ARMC1: variants seen among roughly 807,000 people sequenced by gnomAD.
ARMC1 encodes the protein armadillo repeat-containing protein 1.
A neutral mutation model predicts 31.4 loss-of-function variants in ARMC1; 16 were observed. The ratio of observed to expected loss-of-function variants is 0.51; its 90% CI spans 0.34 to 0.77. ARMC1 has a LOEUF of 0.77. Ranked by LOEUF, ARMC1 falls within the 30% of genes least tolerant of loss-of-function variation. The pLI, the probability that ARMC1 is intolerant of heterozygous loss-of-function variation, is 0.01. For synonymous variants in ARMC1, 114 were observed against 118.9 expected, an observed-to-expected ratio of 0.96 and a Z score of 0.27; for missense variants, 259 against 347.5, an observed-to-expected ratio of 0.75 and a Z score of 2.02.
At chr8:65,615,503 G>A (rs1808230803) in intron 3 of ARMC1, among the ~76,000 whole-genome samples, 1 of 151,538 alleles carries the variant, frequency 6.6e-6, no homozygotes, top group African/African-American at 2.4e-5. Context: ...TTAGGAGTTC[G>A]AGCCCAGCCT....
intron 2 of ARMC1, among the ~76,000 whole-genome samples, chr8:65,623,823 GT>G (rs1304888528): frequency 1.8e-5 from 1 of 56,476 alleles, no homozygotes; most frequent in Non-Finnish European, 3.4e-5. Flanking sequence ...GTGTGATGGA[GT>G]TTTTGTTCTT....
At position 65,627,405 on chromosome 8, in the gene ARMC1, T is replaced by C. The variant is rs561456938; in HGVS notation, c.-7A>G. The C allele has an allele frequency of 1.3e-6, 2 of 1,554,724 alleles. No individual in the cohort carries two copies. Among genetic ancestry groups the C allele is most frequent in the Admixed American group, 2.0e-5 (1 of 48,890 alleles). On this transcript the variant is annotated 5_prime_UTR_variant, in exon 2 of 7. Transcript: ENST00000276569. ...TGGAAGTGGAAGAATTCATCTTCTA[T>C]GCCATGCACATGAATAAAATCTTAA...
chr8:65,610,482 G>C (rs1276721467), intron 4 of ARMC1, among the ~76,000 whole-genome samples: 1 of 152,014 alleles, frequency 6.6e-6, no homozygotes, highest in Admixed American at 6.6e-5. Context: ...ATTACCTGAG[G>C]TAAGGAGTTC....
chr8:65,616,110 C>T (rs1808245841), intron 3 of ARMC1, among the ~76,000 whole-genome samples: 1 of 151,876 alleles, frequency 6.6e-6, no homozygotes, highest in Non-Finnish European at 1.5e-5. Flanking sequence ...AATTATCTTT[C>T]TGTTTTGCAT....
Position 65,613,229 on chromosome 8 carries a change from T to C in ARMC1, c.465+15A>G. On this transcript the variant is annotated intron_variant, in intron 4 of 6. Coordinates refer to ENST00000276569, the MANE Select transcript of ARMC1 (RefSeq NM_018120.6). ...CAGTAAACATGATTTCTCTTTCCCA[T>C]CTAACAGACCTTACCGTATCATCAA... The C allele has an allele frequency of 1.3e-6, 2 of 1,557,746 alleles. No homozygotes were observed. Among genetic ancestry groups the C allele is most frequent in the Non-Finnish European group, 1.7e-6 (2 of 1,155,216 alleles).
chr8:65,622,164 A>C, intron 3 of ARMC1, 99 bp downstream of exon 3: 1 of 867,902 alleles, frequency 1.2e-6, no homozygotes, highest in South Asian at 1.6e-5. Context: ...CCAAGGTGGA[A>C]GGATCGCTTG....
chr8:65,626,597 T>C (rs1299351057), intron 2 of ARMC1, among the ~76,000 whole-genome samples: 2 of 152,144 alleles, frequency 1.3e-5, no homozygotes, highest in East Asian at 1.9e-4. Flanking sequence ...AAAGCTGTTA[T>C]AAAATAAAAA....
rs182246393 is a variant in ARMC1, at chr8:65,631,099, G to A, written c.-36+2899C>T. ...AAGGCAAGAAAAGCTGACAGAAGCT[G>A]TGATTTGTCCCTCAAATTAGAAGGG... On this transcript the variant is annotated intron_variant, in intron 1 of 6. Coordinates refer to ENST00000276569, the MANE Select transcript of ARMC1 (RefSeq NM_018120.6). Among the ~76,000 whole-genome samples, 633 of 152,322 alleles carry A rather than the reference G, an allele frequency of 4.2e-3. 4 individuals are homozygous for A. Among genetic ancestry groups the A allele is most frequent in the African/African-American group, 0.015 (608 of 41,572 alleles).
intron 3 of ARMC1, among the ~76,000 whole-genome samples, chr8:65,615,837 G>A (rs181547366): frequency 6.6e-6 from 1 of 152,294 alleles, no homozygotes; most frequent in Non-Finnish European, 1.5e-5. Context: ...GGAGGTTGCA[G>A]TGGGCCGAGA....
chr8:65,615,759 G>A (rs1304753923), intron 3 of ARMC1, among the ~76,000 whole-genome samples: 1 of 152,044 alleles, frequency 6.6e-6, no homozygotes, highest in Non-Finnish European at 1.5e-5. Flanking sequence ...GCCAGGTGTG[G>A]TGGTGGGTGC....
At position 65,623,324 on chromosome 8, in the gene ARMC1, A is replaced by AAAAAAAAAAAAAAC. The variant is rs1554541796; in HGVS notation, c.184-971_184-970insGTTTTTTTTTTTTT. ...CTCCGTCTCAAAAAAAAAAAAAAAA[A>AAAAAAAAAAAAAAC]TGCTGGGCGCTGAGTGGCTCACGGC... On this transcript the variant is annotated intron_variant, in intron 2 of 6. Coordinates refer to ENST00000276569, the MANE Select transcript of ARMC1 (RefSeq NM_018120.6). Among the ~76,000 whole-genome samples the AAAAAAAAAAAAAAC allele has an allele frequency of 2.1e-4, 30 of 144,540 alleles. 1 individual carries two copies. The highest frequency in any genetic ancestry group is 4.0e-4 in the East Asian group (2 of 4,970). The allele number at this position is 144,540 out of a possible 152,430, so 94.8% of individuals were successfully genotyped here. A position where few individuals can be genotyped will look rare whatever the true frequency, so the allele number is the denominator to read the frequency against.
At chr8:65,627,111 A>C in intron 2 of ARMC1, 105 bp downstream of exon 2, 1 of 1,057,860 alleles carries the variant, frequency 9.5e-7, no homozygotes, top group Non-Finnish European at 1.4e-6. Context: ...CAAACAACTA[A>C]TTGCTCTCTT....
intron 3 of ARMC1, among the ~76,000 whole-genome samples, chr8:65,621,156 G>A (rs1441887714): frequency 6.6e-6 from 1 of 152,036 alleles, no homozygotes; most frequent in African/African-American, 2.4e-5. Context: ...ATTACTCCAA[G>A]GATAGTATAG....
chr8:65,618,249 G>A (rs369607353), intron 3 of ARMC1, among the ~76,000 whole-genome samples: 18 of 151,972 alleles, frequency 1.2e-4, no homozygotes, highest in East Asian at 1.2e-3. Context: ...AAGGCCAGGC[G>A]CAGTGGCTCA....
chr8:65,624,261 A>G (rs1808464456), intron 2 of ARMC1, among the ~76,000 whole-genome samples: 1 of 151,424 alleles, frequency 6.6e-6, no homozygotes, highest in African/African-American at 2.4e-5. Flanking sequence ...TACCTTGGGA[A>G]GCTGAGGGGG....
intron 6 of ARMC1, among the ~76,000 whole-genome samples, chr8:65,604,813 A>G (rs1381549138): frequency 6.6e-6 from 1 of 152,184 alleles, no homozygotes; most frequent in Non-Finnish European, 1.5e-5. Context: ...TAATGACTAA[A>G]GCAAGTGTCT....
intron 3 of ARMC1, among the ~76,000 whole-genome samples, chr8:65,619,855 G>A (rs1304013838): frequency 2.0e-5 from 3 of 151,674 alleles, no homozygotes; most frequent in South Asian, 2.1e-4. Context: ...ATGGTGGTGC[G>A]TGCCTGTAAT....
intron 2 of ARMC1, 141 bp from the exon 3 acceptor site, chr8:65,622,495 A>T (rs563495618): frequency 1.6e-6 from 1 of 630,500 alleles, no homozygotes; most frequent in African/African-American, 1.8e-5. Flanking sequence ...GAGATGATTC[A>T]GAATTATTCC....
intron 2 of ARMC1, among the ~76,000 whole-genome samples, chr8:65,626,224 C>A (rs979826414): frequency 6.6e-6 from 1 of 151,638 alleles, no homozygotes; most frequent in Non-Finnish European, 1.5e-5. Flanking sequence ...GCATTTTTGC[C>A]AGAATAGGCA....
Sources: allele counts gnomAD v4.1 joint callset (sites outside exome capture counted in the v4.1 genomes callset), GRCh38; gene constraint gnomAD v4.1.1; transcripts MANE v1.5; gene names NCBI Gene and HGNC (gene_info 2026-07-23, HGNC 2026-07-21).